PTPRT: variants seen among roughly 807,000 people sequenced by gnomAD.
PTPRT encodes protein tyrosine phosphatase receptor type T.
In PTPRT, 56 loss-of-function variants were observed where a neutral mutation model predicts 176.8. The ratio of observed to expected loss-of-function variants is 0.32; its 90% CI spans 0.26 to 0.40. PTPRT has a LOEUF of 0.40. Among genes scored for constraint, PTPRT ranks in the 10% least tolerant of loss-of-function variants. The probability of loss-of-function intolerance (pLI) is 1.00; values close to 1 mark genes in which losing one functional copy is unlikely to be tolerated. For synonymous variants in PTPRT, 783 were observed against 739.0 expected (o/e 1.06, Z -0.96); for missense variants, 1,540 against 1,908.2 (o/e 0.81, Z 3.60).
intron 7 of PTPRT, among the ~76,000 whole-genome samples, chr20:42,611,114 T>C (rs1452111461): frequency 1.3e-5 from 2 of 152,234 alleles, no homozygotes; most frequent in Non-Finnish European, 2.9e-5. Context: ...TGATCATGAA[T>C]ACTACTGCTA....
intron 9 of PTPRT, among the ~76,000 whole-genome samples, chr20:42,396,994 G>A (rs1568844039): frequency 6.6e-6 from 1 of 152,134 alleles, no homozygotes; most frequent in African/African-American, 2.4e-5. Flanking sequence ...CCACACAGGT[G>A]GCCAGTACAC....
At position 42,084,679 on chromosome 20, in the gene PTPRT, C is replaced by G; in HGVS notation, c.4136+3G>C. 1 of 1,504,870 alleles carries G rather than the reference C, an allele frequency of 6.6e-7. No homozygotes were observed. Among genetic ancestry groups the G allele is most frequent in the Non-Finnish European group, 8.9e-7 (1 of 1,117,396 alleles). 93.2% of individuals were successfully genotyped at this position (1,504,870 alleles called of 1,614,324 possible). A position where few individuals can be genotyped will look rare whatever the true frequency, so the allele number is the denominator to read the frequency against. On this transcript the variant is annotated splice_donor_region_variant and intron_variant, in intron 29 of 30. Transcript: ENST00000373187. The stretch of plus-strand genomic sequence containing the variant: ...GCCCTGGTGACACCTCCCTAGTACT[C>G]ACAGGCAGTGGACCACAGTACGTCC...
chr20:42,934,326 G>C (rs1468173564), intron 1 of PTPRT, among the ~76,000 whole-genome samples: 1 of 152,194 alleles, frequency 6.6e-6, no homozygotes, highest in East Asian at 1.9e-4. Flanking sequence ...TTTTAATAAA[G>C]GAAAATAGTT....
chr20:42,338,667 C>T (rs1213539984), intron 11 of PTPRT, among the ~76,000 whole-genome samples: 1 of 152,070 alleles, frequency 6.6e-6, no homozygotes, highest in Non-Finnish European at 1.5e-5. Flanking sequence ...TGAAAAAAAA[C>T]ATTGATTCCT....
chr20:42,184,541 C>CTCTTCTTCTTCTTCTTCTTCTCCTTCT (rs1385842092), intron 16 of PTPRT, among the ~76,000 whole-genome samples: 1 of 91,546 alleles, frequency 1.1e-5, no homozygotes, highest in South Asian at 5.2e-4. Context: ...CTTCCTCTTC[C>CTCTTCTTCTTCTTCTTCTTCTCCTTCT]TCTTCTTCTT....
intron 16 of PTPRT, among the ~76,000 whole-genome samples, chr20:42,170,866 A>G (rs532315292): frequency 6.6e-6 from 1 of 152,278 alleles, no homozygotes; most frequent in Admixed American, 6.5e-5. Context: ...TTAAATCTTC[A>G]CGTGTAAAGA....
intron 4 of PTPRT, among the ~76,000 whole-genome samples, chr20:42,775,626 C>T (rs1202589486): frequency 2.6e-5 from 2 of 77,314 alleles, no homozygotes; most frequent in Non-Finnish European, 9.3e-5. Context: ...AAAATAATTT[C>T]TTTGAGTATT....
At chr20:42,108,869 T>G (rs1290334874) in intron 23 of PTPRT, among the ~76,000 whole-genome samples, 1 of 152,236 alleles carries the variant, frequency 6.6e-6, no homozygotes, top group East Asian at 1.9e-4. Flanking sequence ...TAAGATGACC[T>G]GCTAAGGAGA....
intron 7 of PTPRT, among the ~76,000 whole-genome samples, chr20:42,610,474 C>T (rs2073957544): frequency 6.6e-6 from 1 of 151,392 alleles, no homozygotes. Context: ...CCCATCTTGG[C>T]CTCCCAAAGG....
chr20:42,533,554 G>C (rs1189183744), intron 7 of PTPRT, among the ~76,000 whole-genome samples: 2 of 152,106 alleles, frequency 1.3e-5, no homozygotes, highest in Non-Finnish European at 2.9e-5. Context: ...CCACAATTAA[G>C]AGAAAAAACT....
chr20:42,816,534 T>G (rs1379795990), intron 2 of PTPRT, among the ~76,000 whole-genome samples: 1 of 152,142 alleles, frequency 6.6e-6, no homozygotes, highest in Admixed American at 6.5e-5. Flanking sequence ...TCCCCACATG[T>G]CGAGGAAGGG....
intron 13 of PTPRT, chr20:42,270,379 C>CCCGGGG (rs2146998979): frequency 9.7e-6 from 15 of 1,541,488 alleles, no homozygotes; most frequent in Non-Finnish European, 1.3e-5. Flanking sequence ...CCCACCCGCC[C>CCCGGGG]AGGGCTCTGG....
chr20:42,936,401 C>G (rs1340139944), intron 1 of PTPRT, among the ~76,000 whole-genome samples: 1 of 152,090 alleles, frequency 6.6e-6, no homozygotes, highest in African/African-American at 2.4e-5. Context: ...AGTGGAGTGA[C>G]AAGAGTAGTA....
intron 12 of PTPRT, among the ~76,000 whole-genome samples, chr20:42,291,950 C>T (rs1038687468): frequency 3.9e-5 from 6 of 152,060 alleles, no homozygotes; most frequent in Admixed American, 6.6e-5. Context: ...AATAGACTTA[C>T]GGTGCAAGAG....
chr20:42,650,531 G>C (rs553267566), intron 7 of PTPRT, among the ~76,000 whole-genome samples: 1 of 152,104 alleles, frequency 6.6e-6, no homozygotes, highest in Non-Finnish European at 1.5e-5. Context: ...GGACTAAACT[G>C]GAATTGACCA....
chr20:42,291,541 G>A (rs1328661602), intron 12 of PTPRT, among the ~76,000 whole-genome samples: 1 of 152,174 alleles, frequency 6.6e-6, no homozygotes, highest in Non-Finnish European at 1.5e-5. Context: ...AGTGAGAAGT[G>A]CCAGGTGCTG....
chr20:43,047,762 C>T (rs1600672981), intron 1 of PTPRT, among the ~76,000 whole-genome samples: 2 of 152,200 alleles, frequency 1.3e-5, no homozygotes, highest in Admixed American at 1.3e-4. Context: ...CTTACTCACT[C>T]TGTGCCAGGT....
At chr20:42,212,221 G>A (rs775787646) in intron 15 of PTPRT, among the ~76,000 whole-genome samples, 1 of 145,752 alleles carries the variant, frequency 6.9e-6, no homozygotes, top group Non-Finnish European at 1.5e-5. Context: ...TGGGTGCAGT[G>A]CACCAGCATG....
chr20:42,924,955 T>A (rs1979387056), intron 1 of PTPRT, among the ~76,000 whole-genome samples: 1 of 152,202 alleles, frequency 6.6e-6, no homozygotes, highest in Non-Finnish European at 1.5e-5. Context: ...TAAAGAGCCT[T>A]CCAAGTGAAT....
Sources: allele counts gnomAD v4.1 joint callset (sites outside exome capture counted in the v4.1 genomes callset), GRCh38; gene constraint gnomAD v4.1.1; transcripts MANE v1.5; gene names NCBI Gene and HGNC (gene_info 2026-07-23, HGNC 2026-07-21).